CNTN6: variants seen among roughly 807,000 people sequenced by gnomAD.
The protein encoded by CNTN6 is contactin-6.
In CNTN6, 137 loss-of-function variants were observed where a neutral mutation model predicts 122.8. The observed-to-expected ratio is 1.12, with a 90% CI of 0.97 to 1.29. The LOEUF is 1.29. Ranked by LOEUF, CNTN6 falls within the 50% of genes most tolerant of loss-of-function variation. The pLI, the probability that CNTN6 is intolerant of heterozygous loss-of-function variation, is 0.00. For synonymous variants in CNTN6, 570 were observed against 426.0 expected (o/e 1.34, Z -4.16); for missense variants, 1,634 against 1,223.4 (o/e 1.34, Z -5.01).
intron 1 of CNTN6, among the ~76,000 whole-genome samples, chr3:1,146,068 T>C (rs2092716558): frequency 6.6e-6 from 1 of 152,120 alleles, no homozygotes; most frequent in African/African-American, 2.4e-5. Flanking sequence ...TCCTTTCTTG[T>C]ACTACAAAAG....
At chr3:1,181,710 T>C (rs1170396739) in intron 2 of CNTN6, among the ~76,000 whole-genome samples, 1 of 152,146 alleles carries the variant, frequency 6.6e-6, no homozygotes, top group East Asian at 1.9e-4. Flanking sequence ...CCCTTGTGAC[T>C]GGTTTGTGTG....
chr3:1,155,868 CT>C (rs1206373829), intron 2 of CNTN6, among the ~76,000 whole-genome samples: 1 of 152,180 alleles, frequency 6.6e-6, no homozygotes, highest in African/African-American at 2.4e-5. Context: ...CTTTCCAAGA[CT>C]TAGCTTATTG....
intron 1 of CNTN6, among the ~76,000 whole-genome samples, chr3:1,147,270 A>T: frequency 6.6e-6 from 1 of 152,102 alleles, no homozygotes; most frequent in East Asian, 1.9e-4. Context: ...TACCATAAAA[A>T]GGCCATAGAA....
intron 8 of CNTN6, among the ~76,000 whole-genome samples, chr3:1,324,592 C>A (rs1251510571): frequency 6.7e-6 from 1 of 149,708 alleles, no homozygotes; most frequent in African/African-American, 2.5e-5. Flanking sequence ...ACTAAATGAT[C>A]CCCCTTCATT....
chr3:1,104,102 C>G (rs1346688999), intron 1 of CNTN6, among the ~76,000 whole-genome samples: 1 of 152,058 alleles, frequency 6.6e-6, no homozygotes, highest in African/African-American at 2.4e-5. Flanking sequence ...GAGAAGAGTT[C>G]TGCTCCTGTA....
At chr3:1,395,366 G>C (rs961494094) in intron 20 of CNTN6, among the ~76,000 whole-genome samples, 11 of 152,142 alleles carry the variant, frequency 7.2e-5, no homozygotes, top group African/African-American at 2.7e-4. Flanking sequence ...GTGCTCAAGG[G>C]CTGCACTAGC....
In CNTN6 at chr3:1,372,830, G is replaced by T. The variant is rs751926696; in HGVS notation, c.1669-8G>T. 48 of 1,530,394 alleles carry T rather than the reference G, an allele frequency of 3.1e-5. No homozygotes were observed. In the South Asian group the frequency reaches 3.2e-4, roughly 10 times the overall value. 94.8% of individuals were successfully genotyped at this position (1,530,394 alleles called of 1,614,324 possible). The stretch of plus-strand genomic sequence containing the variant: ...CGTTTTTATCCATTTCTCCCTTTCT[G>T]TCTGCAGGAATCTGTTGGGGATTTG... On this transcript the variant is annotated splice_region_variant and splice_polypyrimidine_tract_variant and intron_variant, in intron 13 of 22. Coordinates refer to ENST00000446702, the MANE Select transcript of CNTN6 (RefSeq NM_001289080.2).
intron 2 of CNTN6, among the ~76,000 whole-genome samples, chr3:1,167,352 G>A (rs1442031859): frequency 6.6e-6 from 1 of 152,066 alleles, no homozygotes; most frequent in Non-Finnish European, 1.5e-5. Flanking sequence ...TCTTACCTAG[G>A]TGTTACCTTC....
intron 4 of CNTN6, among the ~76,000 whole-genome samples, chr3:1,263,068 A>G (rs1369106549): frequency 6.6e-6 from 1 of 152,178 alleles, no homozygotes; most frequent in Non-Finnish European, 1.5e-5. Context: ...AAGTCTCACA[A>G]CAGTCAAATA....
intron 4 of CNTN6, among the ~76,000 whole-genome samples, chr3:1,245,227 T>TA (rs1386435029): frequency 1.1e-3 from 14 of 12,520 alleles, no homozygotes; most frequent in Non-Finnish European, 1.3e-3. Flanking sequence ...TATATATATA[T>TA]ATATATATAC....
At chr3:1,360,304 C>A (rs1360012583) in intron 12 of CNTN6, among the ~76,000 whole-genome samples, 1 of 151,906 alleles carries the variant, frequency 6.6e-6, no homozygotes, top group African/African-American at 2.4e-5. Context: ...CTGTTTTCTC[C>A]AATGTTTGAC....
At chr3:1,097,090 T>C (rs2090568514) in intron 1 of CNTN6, among the ~76,000 whole-genome samples, 1 of 152,170 alleles carries the variant, frequency 6.6e-6, no homozygotes, top group Non-Finnish European at 1.5e-5. Flanking sequence ...TAGTTAAGAC[T>C]GAGTTCATCT....
Position 1,151,196 on chromosome 3 carries a change from C to T in CNTN6, c.55+3133C>T, listed in dbSNP as rs183957976. On this transcript the variant is annotated intron_variant, in intron 2 of 22. Coordinates refer to ENST00000446702, the MANE Select transcript of CNTN6 (RefSeq NM_001289080.2). ...AAACTGAAGTTTCTTCCTCACTATG[C>T]TTTAAGCTTCCAGATGGCAGGGACT... Among the ~76,000 whole-genome samples, 410 of 152,266 alleles carry T rather than the reference C, an allele frequency of 2.7e-3. 3 individuals carry two copies. The highest frequency in any genetic ancestry group is 4.2e-3 in the Non-Finnish European group (287 of 68,016).
chr3:1,117,301 A>C (rs151245534), intron 1 of CNTN6, among the ~76,000 whole-genome samples: 101 of 152,198 alleles, frequency 6.6e-4, no homozygotes, highest in African/African-American at 2.3e-3. Flanking sequence ...AGGACAGAAG[A>C]ACATGGTAGC....
At chr3:1,306,450 ACT>A (rs1340395664) in intron 7 of CNTN6, among the ~76,000 whole-genome samples, 3 of 152,056 alleles carry the variant, frequency 2.0e-5, no homozygotes, top group Admixed American at 6.6e-5. Context: ...AACCCACTAC[ACT>A]CTCACATAAA....
intron 4 of CNTN6, among the ~76,000 whole-genome samples, chr3:1,231,995 T>C (rs952086414): frequency 6.6e-6 from 1 of 152,220 alleles, no homozygotes; most frequent in South Asian, 2.1e-4. Flanking sequence ...TTTGTATGTA[T>C]GTATGTTAAT....
Position 1,131,032 on chromosome 3 carries a change from T to C in CNTN6, c.-82-16895T>C, listed in dbSNP as rs2092322096. On this transcript the variant is annotated intron_variant, in intron 1 of 22. Transcript: ENST00000446702. Reference sequence around the variant, plus strand: ...AGAACTCTTTCTCACAGCTATCAGGTTGTTCCAGCGAAATAACAGGCAGAC... The same window carrying C: ...AGAACTCTTTCTCACAGCTATCAGGCTGTTCCAGCGAAATAACAGGCAGAC... Among the ~76,000 whole-genome samples the C allele has an allele frequency of 2.0e-5, 3 of 152,200 alleles. No individual in the cohort carries two copies. In the South Asian group the frequency reaches 6.2e-4, roughly 32 times the overall value.
chr3:1,260,171 C>T (rs1044414085), intron 4 of CNTN6, among the ~76,000 whole-genome samples: 2 of 152,150 alleles, frequency 1.3e-5, no homozygotes, highest in African/African-American at 2.4e-5. Flanking sequence ...TACAAATTGA[C>T]TCCCTGATTG....
At chr3:1,207,431 G>C (rs1209350614) in intron 2 of CNTN6, among the ~76,000 whole-genome samples, 1 of 152,028 alleles carries the variant, frequency 6.6e-6, no homozygotes, top group Non-Finnish European at 1.5e-5. Context: ...TTCAGTCTCA[G>C]GGGTTTGACG....
Sources: allele counts gnomAD v4.1 joint callset (sites outside exome capture counted in the v4.1 genomes callset), GRCh38; gene constraint gnomAD v4.1.1; transcripts MANE v1.5; gene names NCBI Gene and HGNC (gene_info 2026-07-23, HGNC 2026-07-21).